The following SPMIP4 variants were observed in gnomAD, a reference collection of about 807,000 sequenced individuals.
SPMIP4 encodes sperm microtubule inner protein 4.
At chr7:25,140,952 A>G in the SPMIP4 span, among the ~76,000 whole-genome samples, 91,464 of 152,066 alleles carry the variant, frequency 0.6, 28,615 homozygotes, top group Non-Finnish European at 0.69. Context: ...TGTTTTTCAC[A>G]ATTTATATAC....
chr7:25,126,183 C>T, the SPMIP4 span, among the ~76,000 whole-genome samples: 711 of 152,178 alleles, frequency 4.7e-3, 3 homozygotes, highest in Admixed American at 0.011. Context: ...TACAAGCAAT[C>T]CAATTATACT....
chr7:25,159,761 T>A, the SPMIP4 span, among the ~76,000 whole-genome samples: 4 of 152,174 alleles, frequency 2.6e-5, no homozygotes, highest in Non-Finnish European at 4.4e-5. Context: ...AAAAAAAGCA[T>A]GTTCTATCTT....
At chr7:25,158,444 G>A in the SPMIP4 span, 1 of 1,277,094 alleles carries the variant, frequency 7.8e-7, no homozygotes, top group Non-Finnish European at 1.1e-6. Flanking sequence ...CATAGGAAAT[G>A]TCAATTTTTT....
the SPMIP4 span, chr7:25,136,243 A>AT: frequency 6.2e-7 from 1 of 1,614,156 alleles, no homozygotes; most frequent in Non-Finnish European, 8.5e-7. This position sits in a 1 kb window ranked among gnomAD's most constrained non-coding sequence, Gnocchi z 5.7. Flanking sequence ...AAAATGTTCT[A>AT]AAGTGAAAGC....
the SPMIP4 span, among the ~76,000 whole-genome samples, chr7:25,147,418 G>A: frequency 6.6e-6 from 1 of 152,170 alleles, no homozygotes; most frequent in Non-Finnish European, 1.5e-5. Context: ...GGTAGCAGGA[G>A]AGGCCCCGAA....
At chr7:25,164,776 C>A in the SPMIP4 span, among the ~76,000 whole-genome samples, 1 of 152,160 alleles carries the variant, frequency 6.6e-6, no homozygotes, top group Non-Finnish European at 1.5e-5. Flanking sequence ...TCCCTCACCC[C>A]TTTCCCAACC....
the SPMIP4 span, chr7:25,134,933 G>A: frequency 1.0e-6 from 1 of 985,270 alleles, no homozygotes; most frequent in African/African-American, 1.7e-5. Context: ...TGTAACTAGT[G>A]CTGTACAGAA....
chr7:25,154,989 C>T, the SPMIP4 span: 2 of 1,594,458 alleles, frequency 1.3e-6, no homozygotes, highest in Non-Finnish European at 1.7e-6. Context: ...TAATACAGTT[C>T]TGATTCCAGG....
the SPMIP4 span, among the ~76,000 whole-genome samples, chr7:25,176,180 T>G: frequency 6.6e-6 from 1 of 152,220 alleles, no homozygotes; most frequent in Admixed American, 6.5e-5. The surrounding 1 kb of genome is among the most constrained non-coding windows in gnomAD (Gnocchi z 4.4). Flanking sequence ...GTTAAGGGTT[T>G]TGGAGCTGAT....
At chr7:25,137,374 C>T in the SPMIP4 span, among the ~76,000 whole-genome samples, 1 of 148,458 alleles carries the variant, frequency 6.7e-6, no homozygotes, top group Non-Finnish European at 1.5e-5. Flanking sequence ...ATGGTTTTGG[C>T]AGGTTTTGAC....
At chr7:25,147,285 C>T in the SPMIP4 span, among the ~76,000 whole-genome samples, 1 of 152,104 alleles carries the variant, frequency 6.6e-6, no homozygotes, top group Admixed American at 6.5e-5. Flanking sequence ...CAGAACAAGA[C>T]TCCATTTCAA....
chr7:25,168,676 C>G, the SPMIP4 span, among the ~76,000 whole-genome samples: 1 of 151,674 alleles, frequency 6.6e-6, no homozygotes, highest in Non-Finnish European at 1.5e-5. Context: ...TGAGGACTTA[C>G]AGATTATCCT....
the SPMIP4 span, among the ~76,000 whole-genome samples, chr7:25,173,933 A>G: frequency 6.6e-6 from 1 of 152,200 alleles, no homozygotes; most frequent in Non-Finnish European, 1.5e-5. The surrounding 1 kb of genome is among the most constrained non-coding windows in gnomAD (Gnocchi z 4.4). Flanking sequence ...ACTTTAAGGT[A>G]TCATGTCTCC....
chr7:25,154,601 C>T, the SPMIP4 span, among the ~76,000 whole-genome samples: 1 of 152,228 alleles, frequency 6.6e-6, no homozygotes, highest in Non-Finnish European at 1.5e-5. Context: ...AATTCTATCA[C>T]TGCTGCATCC....
the SPMIP4 span, chr7:25,155,037 T>A: frequency 6.2e-7 from 1 of 1,614,012 alleles, no homozygotes. Flanking sequence ...TGTTGAATCA[T>A]AAGCCTTGGT....
chr7:25,162,526 A>C, the SPMIP4 span, among the ~76,000 whole-genome samples: 1 of 152,078 alleles, frequency 6.6e-6, no homozygotes, highest in Admixed American at 6.5e-5. Flanking sequence ...GCCATACCTA[A>C]AGGATAAGAA....
the SPMIP4 span, chr7:25,161,213 CTT>C: frequency 6.4e-7 from 1 of 1,562,072 alleles, no homozygotes; most frequent in African/African-American, 1.4e-5. Context: ...ATAGACATCA[CTT>C]TTTTTGTTCT....
At chr7:25,128,981 C>T in the SPMIP4 span, among the ~76,000 whole-genome samples, 2 of 152,244 alleles carry the variant, frequency 1.3e-5, no homozygotes, top group Admixed American at 1.3e-4. This position sits in a 1 kb window ranked among gnomAD's most constrained non-coding sequence, Gnocchi z 4.5. Context: ...GTGCACAGTT[C>T]TACCGTGGCT....
At chr7:25,165,282 T>C in the SPMIP4 span, among the ~76,000 whole-genome samples, 3 of 152,120 alleles carry the variant, frequency 2.0e-5, no homozygotes, top group African/African-American at 4.8e-5. Context: ...ATAGGATGCA[T>C]TGGTGATGGT....
Sources: allele counts gnomAD v4.1 joint callset (sites outside exome capture counted in the v4.1 genomes callset), GRCh38; gene constraint gnomAD v4.1.1; non-coding constraint Gnocchi (gnomAD v3.1); transcripts MANE v1.5; gene names NCBI Gene and HGNC (gene_info 2026-07-23, HGNC 2026-07-21).